CNTNAP1: variants seen among roughly 807,000 people sequenced by gnomAD.
CNTNAP1 encodes contactin-associated protein 1.
In CNTNAP1, 80 loss-of-function variants were observed where a neutral mutation model predicts 161.5. That is an observed-to-expected ratio of 0.50 (90% CI 0.41 to 0.60). The LOEUF is 0.60. CNTNAP1 is among the 20% of genes least tolerant of loss of function. The pLI is 0.00. For synonymous variants in CNTNAP1, 695 were observed against 733.1 expected (o/e 0.95, Z 0.84); for missense variants, 1,464 against 1,854.8 (o/e 0.79, Z 3.87).
intron 16 of CNTNAP1, 121 bp downstream of exon 16, chr17:42,692,112 T>C: frequency 9.6e-7 from 1 of 1,039,678 alleles, no homozygotes; most frequent in Non-Finnish European, 1.4e-6. Context: ...TGGGAAGGGT[T>C]GAGATACCCT....
chr17:42,688,807 C>G (rs2053050075), intron 9 of CNTNAP1, 69 bp from the exon 10 acceptor site: 7 of 1,579,330 alleles, frequency 4.4e-6, no homozygotes, highest in Non-Finnish European at 6.1e-6. Flanking sequence ...GGCTCCCCCT[C>G]AGCATGTCCC....
At chr17:42,693,855 C>T (rs2053122595) in intron 18 of CNTNAP1, among the ~76,000 whole-genome samples, 1 of 151,894 alleles carries the variant, frequency 6.6e-6, no homozygotes, top group Non-Finnish European at 1.5e-5. Context: ...GACCCTGTCT[C>T]TACAAAAAAA....
intron 9 of CNTNAP1, 24 bp from the exon 10 acceptor site, chr17:42,688,852 A>C (rs1597806667): frequency 6.2e-7 from 1 of 1,612,674 alleles, no homozygotes. Context: ...CCTGGGGAGG[A>C]TCTCACAGGG....
chr17:42,685,456 C>G lies in CNTNAP1; in HGVS notation c.715+36C>G, dbSNP rs749687032. 2 of 1,570,376 alleles carry G rather than the reference C, an allele frequency of 1.3e-6. No individual in the cohort carries two copies. The highest frequency in any genetic ancestry group is 1.7e-5 in the Admixed American group (1 of 57,986). ...CGACCATGTGCGATGCGGAGCCAACCCCTGAAGCTCTCTCACCGCCCTCCT... is the reference window on the plus strand; with the variant it reads ...CGACCATGTGCGATGCGGAGCCAACGCCTGAAGCTCTCTCACCGCCCTCCT... On this transcript the variant is annotated intron_variant, in intron 5 of 23. Coordinates refer to ENST00000264638, the MANE Select transcript of CNTNAP1 (RefSeq NM_003632.3). This position sits in a 1 kb window ranked among gnomAD's most constrained non-coding sequence, Gnocchi z 5.0.
Position 42,687,154 on chromosome 17 carries a change from C to G in CNTNAP1, c.1044+108C>G. On this transcript the variant is annotated intron_variant, in intron 7 of 23. Transcript: ENST00000264638. The surrounding 1 kb of genome is among the most constrained non-coding windows in gnomAD (Gnocchi z 4.7). ...CATCAGATAAAAGCGGAGAATCCCT[C>G]TGTCCCCAGCCAGATGCTCAAGTTG... 6.9e-7 allele frequency: 1 copy of G among 1,457,080 alleles called. No homozygotes were observed. Among genetic ancestry groups the G allele is most frequent in the African/African-American group, 1.4e-5 (1 of 71,738 alleles). 90.3% of individuals were successfully genotyped at this position (1,457,080 alleles called of 1,614,324 possible). A position where few individuals can be genotyped will look rare whatever the true frequency, so the allele number is the denominator to read the frequency against.
At chr17:42,689,802 G>A in intron 11 of CNTNAP1, 175 bp downstream of exon 11, 1 of 608,604 alleles carries the variant, frequency 1.6e-6, no homozygotes, top group Non-Finnish European at 2.9e-6. Context: ...GTGCAGTGGT[G>A]CCATCTGGGC....
Position 42,687,488 on chromosome 17 carries a change from G to T in CNTNAP1, c.1045-232G>T. The T allele has an allele frequency of 1.7e-6, 1 of 596,648 alleles. No individual in the cohort carries two copies. Among genetic ancestry groups the T allele is most frequent in the South Asian group, 2.1e-5 (1 of 47,416 alleles). The allele number at this position is 596,648 out of a possible 1,614,324, so 37.0% of individuals were successfully genotyped here. On this transcript the variant is annotated intron_variant, in intron 7 of 23. Transcript: ENST00000264638. This position sits in a 1 kb window ranked among gnomAD's most constrained non-coding sequence, Gnocchi z 4.7. ...GAGAGAAGCGGTCGAATCGCAGACG[G>T]TGGAGATCAGCGAGAGCAAGCGAGC...
At chr17:42,684,286 G>T (rs1428314986) in intron 3 of CNTNAP1, 57 bp downstream of exon 3, 1 of 1,532,770 alleles carries the variant, frequency 6.5e-7, no homozygotes, top group Non-Finnish European at 8.8e-7. Flanking sequence ...CCAGGCTCTG[G>T]GCCGGGCACC....
In CNTNAP1 at chr17:42,690,207, G is replaced by C. The variant is rs138846121; in HGVS notation, c.1855G>C (p.Glu619Gln). Reference protein sequence around the residue: ...KPFVVYCDIRENRAWTVVRHD... With the variant: ...KPFVVYCDIRQNRAWTVVRHD... The stretch of plus-strand genomic sequence containing the variant: ...ATTTGTAGTGTACTGTGATATCCGA[G>C]GTAAGTGTCTCTGTTGGGTGGTGAG... The change falls in exon 12 of 24, where the codon GAG becomes CAG. Residue 619 changes from glutamate to glutamine, a missense_variant and splice_region_variant. By Grantham distance (29) the Glu-to-Gln change is conservative (BLOSUM62 2). This residue lies in a region of CNTNAP1 where 1,383 missense variants were observed against 1,765.0 expected (regional missense o/e 0.78). Coordinates refer to ENST00000264638, the MANE Select transcript of CNTNAP1 (RefSeq NM_003632.3). The C allele has an allele frequency of 8.7e-6, 14 of 1,613,788 alleles. 1 individual carries two copies. In the African/African-American group the frequency reaches 1.5e-4, roughly 17 times the overall value.
intron 8 of CNTNAP1, 44 bp from the exon 9 acceptor site, chr17:42,688,418 G>T: frequency 6.2e-7 from 1 of 1,613,748 alleles, no homozygotes; most frequent in Non-Finnish European, 8.5e-7. Flanking sequence ...TTCTACCCTA[G>T]TTGCTGCTTC....
At chr17:42,689,140 C>G in intron 10 of CNTNAP1, 93 bp downstream of exon 10, 1 of 1,285,310 alleles carries the variant, frequency 7.8e-7, no homozygotes, top group Non-Finnish European at 1.1e-6. Flanking sequence ...TCTCCCTTCT[C>G]CTTGTCTCTG....
At position 42,688,001 on chromosome 17, in the gene CNTNAP1, G is replaced by A; in HGVS notation, c.1306+20G>A. The A allele has an allele frequency of 1.2e-6, 2 of 1,607,858 alleles. No individual in the cohort carries two copies. The highest frequency in any genetic ancestry group is 1.7e-6 in the Non-Finnish European group (2 of 1,176,838). ...CTGCTGGTGAGGGCGTTTCGGGGGA[G>A]GCACAAGAAGAGAAGAGAAGTGTAG... On this transcript the variant is annotated intron_variant, in intron 8 of 23. Coordinates refer to ENST00000264638, the MANE Select transcript of CNTNAP1 (RefSeq NM_003632.3).
intron 12 of CNTNAP1, 75 bp from the exon 13 acceptor site, chr17:42,690,664 G>A: frequency 2.7e-6 from 4 of 1,461,238 alleles, no homozygotes; most frequent in Non-Finnish European, 3.8e-6. Flanking sequence ...TGCAGCAGCG[G>A]TGGTGGAGGT....
At position 42,685,252 on chromosome 17, in the gene CNTNAP1, A is replaced by ATC; in HGVS notation, c.550_551dup (p.Tyr185ProfsTer40). Reference sequence around the variant, plus strand: ...ACTCTATTTCGACGGCGACGATGCCATCTCCTACCGCTTCCCGCGAGGGGT... The same window carrying ATC: ...ACTCTATTTCGACGGCGACGATGCCATCTCTCCTACCGCTTCCCGCGAGGGGT... On this transcript the variant is annotated frameshift_variant, in exon 5 of 24. Coordinates refer to ENST00000264638, the MANE Select transcript of CNTNAP1 (RefSeq NM_003632.3). LOFTEE classifies it high-confidence loss of function. This position sits in a 1 kb window ranked among gnomAD's most constrained non-coding sequence, Gnocchi z 5.0. The ATC allele has an allele frequency of 6.2e-7, 1 of 1,613,840 alleles. No individual in the cohort carries two copies. Among genetic ancestry groups the ATC allele is most frequent in the Non-Finnish European group, 8.5e-7 (1 of 1,180,022 alleles).
chr17:42,691,116 C>T lies in CNTNAP1; in HGVS notation c.2060-21C>T, dbSNP rs745575897. 6.2e-7 allele frequency: 1 copy of T among 1,611,842 alleles called. No homozygotes were observed. Among genetic ancestry groups the T allele is most frequent in the Admixed American group, 1.7e-5 (1 of 59,926 alleles). ...CTAATGGAGGGACAGGGCCTGGAAG[C>T]TGCCTGCACCTCTTCCCCAGGAGGC... On this transcript the variant is annotated intron_variant, in intron 13 of 23. Transcript: ENST00000264638. This position sits in a 1 kb window ranked among gnomAD's most constrained non-coding sequence, Gnocchi z 4.3.
intron 6 of CNTNAP1, among the ~76,000 whole-genome samples, chr17:42,686,423 A>G (rs2053009435): frequency 6.7e-6 from 1 of 148,168 alleles, no homozygotes; most frequent in African/African-American, 2.5e-5. Context: ...ATTCCTGAAT[A>G]TCCTAGCAGC....
Position 42,685,351 on chromosome 17 carries a change from G to A in CNTNAP1, c.646G>A (p.Glu216Lys), listed in dbSNP as rs1283843197. The A allele has an allele frequency of 1.2e-6, 2 of 1,609,980 alleles. No individual in the cohort carries two copies. Among genetic ancestry groups the A allele is most frequent in the Non-Finnish European group, 1.7e-6 (2 of 1,179,988 alleles). The change falls in exon 5 of 24, where the codon GAG becomes AAG. Residue 216 changes from glutamate to lysine, a missense_variant. Coordinates refer to ENST00000264638, the MANE Select transcript of CNTNAP1 (RefSeq NM_003632.3). The surrounding 1 kb of genome is among the most constrained non-coding windows in gnomAD (Gnocchi z 5.0). ...GAAGGACGGTCTTCTGCTGCACGCCGAGGGCGCCCAGGGCGACTACGTGAC... is the reference window on the plus strand; with the variant it reads ...GAAGGACGGTCTTCTGCTGCACGCCAAGGGCGCCCAGGGCGACTACGTGAC... ...EEKDGLLLHA[E>K]GAQGDYVTLE...
Position 42,691,036 on chromosome 17 carries a change from T to C in CNTNAP1, c.2059+94T>C, listed in dbSNP as rs979549999. ...CAGAGAGCCAGCTGGGGCCTTGGGT[T>C]GGAAGATTCAAGGAGGGGTCTGAAC... On this transcript the variant is annotated intron_variant, in intron 13 of 23. Coordinates refer to ENST00000264638, the MANE Select transcript of CNTNAP1 (RefSeq NM_003632.3). This position sits in a 1 kb window ranked among gnomAD's most constrained non-coding sequence, Gnocchi z 4.3. 1.3e-6 allele frequency: 2 copies of C among 1,596,412 alleles called. No homozygotes were observed. Among genetic ancestry groups the C allele is most frequent in the Non-Finnish European group, 1.7e-6 (2 of 1,169,332 alleles).
intron 12 of CNTNAP1, among the ~76,000 whole-genome samples, 182 bp downstream of exon 12, chr17:42,690,389 G>A (rs1412594927): frequency 6.6e-6 from 1 of 152,054 alleles, no homozygotes; most frequent in Non-Finnish European, 1.5e-5. Flanking sequence ...GCTCACACCT[G>A]TAATCCCAGC....
Sources: allele counts gnomAD v4.1 joint callset (sites outside exome capture counted in the v4.1 genomes callset), GRCh38; gene constraint gnomAD v4.1.1; regional missense constraint gnomAD v4.1.1; non-coding constraint Gnocchi (gnomAD v3.1); transcripts MANE v1.5; gene names NCBI Gene and HGNC (gene_info 2026-07-23, HGNC 2026-07-21).